Variants in AP3S2 observed in about 807,000 individuals in gnomAD.
AP3S2 encodes the protein AP-3 complex subunit sigma-2.
A neutral mutation model predicts 23.4 loss-of-function variants in AP3S2; 22 were observed. The ratio of observed to expected loss-of-function variants is 0.94; its 90% confidence interval spans 0.67 to 1.34. AP3S2 has a LOEUF of 1.34. Among genes scored for constraint, AP3S2 ranks in the 40% most tolerant of loss-of-function variants. The pLI, the probability that AP3S2 is intolerant of heterozygous loss-of-function variation, is 0.00. For synonymous variants in AP3S2, 86 were observed against 87.1 expected (o/e 0.99, Z 0.07); for missense variants, 241 against 236.9 (o/e 1.02, Z -0.11).
At chr15:89,845,812 CAT>C (rs1895473902) in intron 4 of AP3S2, 1 of 152,136 alleles carries the variant, frequency 6.6e-6, no homozygotes, top group Non-Finnish European at 1.5e-5. Flanking sequence ...ACACAGTGTG[CAT>C]TGAACAAATA....
intron 3 of AP3S2, among the ~76,000 whole-genome samples, chr15:89,887,687 T>C (rs539600391): frequency 1.3e-5 from 2 of 151,904 alleles, no homozygotes; most frequent in African/African-American, 4.8e-5. Context: ...TATTATTTTT[T>C]TGAGACGGAG....
chr15:89,844,262 T>A, intron 4 of AP3S2, among the ~76,000 whole-genome samples: 1 of 18,984 alleles, frequency 5.3e-5, no homozygotes, highest in Non-Finnish European at 1.0e-4. Flanking sequence ...TTTCTTTCTT[T>A]CTTTCTTTCT....
chr15:89,849,587 T>TA (rs1322254678), intron 4 of AP3S2, among the ~76,000 whole-genome samples: 2 of 152,106 alleles, frequency 1.3e-5, no homozygotes, highest in African/African-American at 2.4e-5. Flanking sequence ...CAGGATGGTC[T>TA]CGATCTCCTG....
intron 4 of AP3S2, among the ~76,000 whole-genome samples, chr15:89,864,636 C>G (rs747188853): frequency 1.3e-5 from 2 of 151,534 alleles, no homozygotes; most frequent in Admixed American, 1.3e-4. Context: ...TCTCGGCTGC[C>G]GGGTTCAAGT....
intron 4 of AP3S2, among the ~76,000 whole-genome samples, chr15:89,840,700 T>G (rs2141837310): frequency 6.6e-6 from 1 of 152,330 alleles, no homozygotes; most frequent in East Asian, 1.9e-4. Context: ...AGTGCTGAGA[T>G]TACAGGCGTG....
chr15:89,852,161 C>T (rs766020910), intron 4 of AP3S2, among the ~76,000 whole-genome samples: 2 of 152,130 alleles, frequency 1.3e-5, no homozygotes, highest in Non-Finnish European at 2.9e-5. Flanking sequence ...TACCAATAAA[C>T]CTCAGTTTCT....
chr15:89,871,381 G>A, intron 4 of AP3S2, 94 bp downstream of exon 4: 2 of 1,171,808 alleles, frequency 1.7e-6, no homozygotes, highest in Non-Finnish European at 2.4e-6. Flanking sequence ...AAAAAAACAA[G>A]AAACAATATG....
chr15:89,859,395 C>CTTTTT (rs1567179219), intron 4 of AP3S2, among the ~76,000 whole-genome samples: 1 of 76,450 alleles, frequency 1.3e-5, no homozygotes, highest in Non-Finnish European at 2.6e-5. Context: ...CCTTTTCTTT[C>CTTTTT]TTTCTTTTTT....
At chr15:89,883,630 C>CA (rs1896624676) in intron 3 of AP3S2, among the ~76,000 whole-genome samples, 1 of 152,088 alleles carries the variant, frequency 6.6e-6, no homozygotes, top group South Asian at 2.1e-4. Context: ...CCTCCTGCCT[C>CA]AGGCTCCCAA....
intron 4 of AP3S2, among the ~76,000 whole-genome samples, chr15:89,840,250 G>C (rs773530811): frequency 6.6e-6 from 1 of 152,124 alleles, no homozygotes; most frequent in Non-Finnish European, 1.5e-5. Context: ...CAAAAAAGGA[G>C]AGAAATAGTC....
chr15:89,843,366 G>C (rs1895380096), intron 4 of AP3S2, among the ~76,000 whole-genome samples: 1 of 151,968 alleles, frequency 6.6e-6, no homozygotes. Context: ...GGCCAGGCCT[G>C]GTGGCTCATG....
At chr15:89,844,205 CTTTCTCTTTCTT>C (rs1186894923) in intron 4 of AP3S2, among the ~76,000 whole-genome samples, 2 of 133,378 alleles carry the variant, frequency 1.5e-5, no homozygotes, top group African/African-American at 2.5e-5. Context: ...CTCTTTCTTT[CTTTCTCTTTCTT>C]TCTTTCTTTC....
At chr15:89,867,431 C>A (rs1286711338) in intron 4 of AP3S2, among the ~76,000 whole-genome samples, 1 of 151,140 alleles carries the variant, frequency 6.6e-6, no homozygotes, top group African/African-American at 2.4e-5. Context: ...GCCCGGCCGC[C>A]ACCCGGTCTG....
chr15:89,853,352 G>A (rs1895707461), intron 4 of AP3S2, among the ~76,000 whole-genome samples: 1 of 152,082 alleles, frequency 6.6e-6, no homozygotes, highest in Non-Finnish European at 1.5e-5. Flanking sequence ...ATTGAATGGT[G>A]GATATTACTG....
At chr15:89,884,496 TG>T (rs1316236470) in intron 3 of AP3S2, among the ~76,000 whole-genome samples, 2 of 152,062 alleles carry the variant, frequency 1.3e-5, no homozygotes, top group Admixed American at 1.3e-4. Flanking sequence ...CTAGATGATT[TG>T]TTTAAGGTCA....
intron 4 of AP3S2, among the ~76,000 whole-genome samples, chr15:89,858,525 GAAAGAAAGAAAGAAAGAA>G (rs769368553): frequency 3.1e-4 from 15 of 47,652 alleles, no homozygotes; most frequent in African/African-American, 9.9e-4. Context: ...GAGAGAGAGA[GAAAGAAAGAAAGAAAGAA>G]AGAAAGAAAG....
chr15:89,858,909 AAT>A (rs1895932164), intron 4 of AP3S2, among the ~76,000 whole-genome samples: 1 of 152,234 alleles, frequency 6.6e-6, no homozygotes, highest in African/African-American at 2.4e-5. Flanking sequence ...GCAGGTAATC[AAT>A]GAGATTGTGC....
At position 89,893,910 on chromosome 15, in the gene AP3S2, G is replaced by A. The variant is rs1286626484; in HGVS notation, c.40C>T (p.Pro14Ser). 1 of 1,551,708 alleles carries A rather than the reference G, an allele frequency of 6.4e-7. No individual in the cohort carries two copies. The highest frequency in any genetic ancestry group is 1.4e-5 in the African/African-American group (1 of 73,198). ...AILVFNNHGK[P>S]RLVRFYQRFP... ...CGCTGGTAGAAGCGGACTAGCCGTG[G>A]CTTCCCATGGTTGTTGAAAACCAGA... Residue 14 changes from proline to serine, a missense_variant, in exon 1 of 6, where the codon CCA becomes TCA. Coordinates refer to ENST00000336418, the MANE Select transcript of AP3S2 (RefSeq NM_005829.5).
intron 4 of AP3S2, among the ~76,000 whole-genome samples, chr15:89,864,406 GAGAAAGGA>G (rs1488955377): frequency 1.3e-5 from 2 of 152,134 alleles, no homozygotes; most frequent in African/African-American, 2.4e-5. Context: ...TTAGTAGGAA[GAGAAAGGA>G]AGAAACATCC....
Sources: gnomAD v4.1 joint callset for allele counts (sites outside exome capture counted in the v4.1 genomes callset) on GRCh38, gnomAD v4.1.1 for gene constraint, MANE v1.5 for transcripts, NCBI Gene and HGNC (gene_info 2026-07-23, HGNC 2026-07-21) for gene names.